Variants in NTM observed in about 807,000 individuals in gnomAD.
The protein encoded by NTM is neurotrimin, also known as IgLON family member 2.
A neutral mutation model predicts 42.1 loss-of-function variants in NTM; 13 were observed. The ratio of observed to expected loss-of-function variants is 0.31; its 90% CI spans 0.20 to 0.49. The LOEUF is 0.49. Among genes scored for constraint, NTM ranks in the 20% least tolerant of loss-of-function variants. NTM has a pLI of 0.99. For missense variants in NTM, 373 were observed against 452.8 expected (o/e 0.82, Z 1.60); for synonymous variants, 187 against 179.2 (o/e 1.04, Z -0.35).
intron 2 of NTM, among the ~76,000 whole-genome samples, chr11:132,120,240 T>C (rs1483165147): frequency 1.3e-5 from 2 of 152,214 alleles, no homozygotes; most frequent in Non-Finnish European, 2.9e-5. Context: ...CCTTCAAATG[T>C]AGACGTTGTA....
chr11:132,317,548 T>C (rs767402375), intron 7 of NTM: 1 of 494,598 alleles, frequency 2.0e-6, no homozygotes, highest in Non-Finnish European at 3.3e-6. Context: ...CCCAGAAATG[T>C]CTGTGAAAGG....
chr11:131,610,451 G>A (rs575059320), intron 1 of NTM, among the ~76,000 whole-genome samples: 2 of 152,336 alleles, frequency 1.3e-5, no homozygotes, highest in Admixed American at 6.5e-5. Flanking sequence ...CTTCTCCTAT[G>A]TAGAATAGTG....
chr11:132,204,967 A>C (rs78580274), intron 3 of NTM, among the ~76,000 whole-genome samples: 4,744 of 152,268 alleles, frequency 0.031, 265 homozygotes, highest in African/African-American at 0.11. Flanking sequence ...ACATTCATGC[A>C]CCAGGCTGTT....
chr11:131,789,888 G>A (rs1208696377), intron 1 of NTM, among the ~76,000 whole-genome samples: 29 of 148,026 alleles, frequency 2.0e-4, no homozygotes, highest in Middle Eastern at 3.5e-3. Flanking sequence ...CCCGGGAGGC[G>A]GAGCTTGCAG....
At chr11:131,931,883 G>A (rs2058673005) in intron 2 of NTM, among the ~76,000 whole-genome samples, 1 of 152,208 alleles carries the variant, frequency 6.6e-6, no homozygotes, top group Admixed American at 6.5e-5. Flanking sequence ...GGGAACTGGA[G>A]CAGCAAGAGG....
chr11:132,329,112 T>C (rs531465849), intron 7 of NTM, among the ~76,000 whole-genome samples: 46 of 152,350 alleles, frequency 3.0e-4, no homozygotes, highest in African/African-American at 1.1e-3. Flanking sequence ...CGTATTCATC[T>C]GACTTTGAGC....
At position 132,317,024 on chromosome 11, in the gene NTM, C is replaced by T. The variant is rs146290566; in HGVS notation, c.934+2321C>T. Among the ~76,000 whole-genome samples, 353 of 152,296 alleles carry T rather than the reference C, an allele frequency of 2.3e-3. 1 individual carries two copies. Among genetic ancestry groups the T allele is most frequent in the African/African-American group, 6.4e-3 (265 of 41,546 alleles). Reference sequence around the variant, plus strand: ...GCCACCAACTTGTGCATAAACTGCACGCTCTCTCCAAGTGGCCTAGACGTT... The same window carrying T: ...GCCACCAACTTGTGCATAAACTGCATGCTCTCTCCAAGTGGCCTAGACGTT... On this transcript the variant is annotated intron_variant, in intron 7 of 8. Transcript: ENST00000683400.
intron 1 of NTM, chr11:131,538,513 C>T (rs1047351406): frequency 6.6e-6 from 1 of 152,278 alleles, no homozygotes; most frequent in Non-Finnish European, 1.5e-5. Flanking sequence ...TTAATCCTGC[C>T]AGTGCCCCGC....
At chr11:131,755,351 G>A (rs2083189036) in intron 1 of NTM, among the ~76,000 whole-genome samples, 1 of 152,150 alleles carries the variant, frequency 6.6e-6, no homozygotes, top group African/African-American at 2.4e-5. Flanking sequence ...TGGCAAGGGA[G>A]TGGAAGGGAG....
At chr11:132,099,507 A>G (rs923604339) in intron 2 of NTM, among the ~76,000 whole-genome samples, 2 of 152,200 alleles carry the variant, frequency 1.3e-5, no homozygotes, top group African/African-American at 4.8e-5. Flanking sequence ...GAAAACAGTG[A>G]TGTAGTCTAA....
intron 1 of NTM, among the ~76,000 whole-genome samples, chr11:131,745,889 T>C (rs1365580481): frequency 6.6e-6 from 1 of 152,154 alleles, no homozygotes; most frequent in African/African-American, 2.4e-5. Context: ...TCCTTTTCAG[T>C]CTGCAAAAAA....
chr11:132,283,505 G>T (rs1252847988), intron 4 of NTM, among the ~76,000 whole-genome samples: 3 of 152,148 alleles, frequency 2.0e-5, no homozygotes, highest in Non-Finnish European at 4.4e-5. Flanking sequence ...TTAGGACAGC[G>T]ATCAGAGATC....
intron 2 of NTM, among the ~76,000 whole-genome samples, chr11:131,986,800 G>C (rs2066141845): frequency 6.6e-6 from 1 of 152,076 alleles, no homozygotes; most frequent in Non-Finnish European, 1.5e-5. Flanking sequence ...ACTATAAAGG[G>C]GGTTCAATAA....
chr11:132,186,918 T>A (rs2138166146), intron 3 of NTM, among the ~76,000 whole-genome samples: 1 of 152,140 alleles, frequency 6.6e-6, no homozygotes, highest in South Asian at 2.1e-4. Context: ...CCCTGTGGAG[T>A]GCCCCCATGC....
intron 1 of NTM, among the ~76,000 whole-genome samples, chr11:131,875,631 A>T (rs923062213): frequency 1.3e-5 from 2 of 152,260 alleles, no homozygotes; most frequent in Non-Finnish European, 2.9e-5. Context: ...TTTAAGTCAC[A>T]AGAAAGCAAA....
chr11:131,424,418 A>T (rs1340377559), intron 1 of NTM, among the ~76,000 whole-genome samples: 1 of 151,974 alleles, frequency 6.6e-6, no homozygotes, highest in East Asian at 1.9e-4. Flanking sequence ...GGGATGTACG[A>T]ACCACTTAGA....
intron 4 of NTM, among the ~76,000 whole-genome samples, chr11:132,254,554 C>G (rs2092307723): frequency 6.6e-6 from 1 of 152,026 alleles, no homozygotes. Context: ...CTACCGCTGG[C>G]CTTCCTTTGG....
chr11:131,830,577 G>A (rs971547209), intron 1 of NTM, among the ~76,000 whole-genome samples: 2 of 129,370 alleles, frequency 1.5e-5, no homozygotes, highest in Non-Finnish European at 3.7e-5. Flanking sequence ...TAGCCCTGTA[G>A]TATGGTTTGA....
intron 1 of NTM, among the ~76,000 whole-genome samples, chr11:131,769,875 T>A (rs971721239): frequency 5.9e-5 from 9 of 152,214 alleles, no homozygotes; most frequent in Admixed American, 4.6e-4. Flanking sequence ...GATGACAACA[T>A]CAGCTTTGCC....
Sources: allele counts gnomAD v4.1 joint callset (sites outside exome capture counted in the v4.1 genomes callset), GRCh38; gene constraint gnomAD v4.1.1; transcripts MANE v1.5; gene names NCBI Gene and HGNC (gene_info 2026-07-23, HGNC 2026-07-21).